Variants in UBE2H observed in about 807,000 individuals in gnomAD.
The protein encoded by UBE2H is ubiquitin-conjugating enzyme E2 H.
In UBE2H, 3 loss-of-function variants were observed where a neutral mutation model predicts 29.0. The ratio of observed to expected loss-of-function variants is 0.10; its 90% CI spans 0.05 to 0.27. The LOEUF (loss-of-function observed/expected upper bound fraction) is 0.27. Among genes scored for constraint, UBE2H ranks in the 10% least tolerant of loss-of-function variants. The pLI, the probability that UBE2H is intolerant of heterozygous loss-of-function variation, is 1.00. For synonymous variants in UBE2H, 69 were observed against 82.9 expected (o/e 0.83, Z 0.91); for missense variants, 68 against 228.2 (o/e 0.30, Z 4.52).
At chr7:129,861,551 T>C (rs1053641159) in intron 3 of UBE2H, among the ~76,000 whole-genome samples, 2 of 152,132 alleles carry the variant, frequency 1.3e-5, no homozygotes, top group African/African-American at 4.8e-5. Flanking sequence ...ATTTCTACAA[T>C]GTGTAATTTT....
intron 1 of UBE2H, among the ~76,000 whole-genome samples, chr7:129,886,767 TAAAAAAAAAAAAA>T (rs79067201): frequency 1.4e-5 from 1 of 72,066 alleles, no homozygotes. Flanking sequence ...TGTTTTTTGG[TAAAAAAAAAAAAA>T]AAAAAAAAAA....
intron 3 of UBE2H, among the ~76,000 whole-genome samples, chr7:129,876,910 T>G (rs1027753775): frequency 2.8e-4 from 42 of 152,202 alleles, no homozygotes; most frequent in Non-Finnish European, 7.3e-5. Flanking sequence ...GACAGCCCTC[T>G]AAAACTATAT....
At chr7:129,889,861 G>A (rs772662409) in intron 1 of UBE2H, among the ~76,000 whole-genome samples, 15 of 152,114 alleles carry the variant, frequency 9.9e-5, no homozygotes, top group Admixed American at 2.6e-4. Context: ...ATGGTGGTAC[G>A]TGCTTATACT....
chr7:129,854,073 T>TTTTTATTTTTTTTTTTTTTTA (rs1563023008), intron 5 of UBE2H, among the ~76,000 whole-genome samples: 1 of 150,100 alleles, frequency 6.7e-6, no homozygotes, highest in Non-Finnish European at 1.5e-5. Context: ...TTTTTTTTTT[T>TTTTTATTTTTTTTTTTTTTTA]TTTTTTTTTG....
At chr7:129,837,853 G>A (rs1380929930) in intron 6 of UBE2H, among the ~76,000 whole-genome samples, 2 of 152,172 alleles carry the variant, frequency 1.3e-5, no homozygotes, top group Non-Finnish European at 2.9e-5. Flanking sequence ...CGAAGGCTAG[G>A]GGTCCGTACG....
chr7:129,886,430 A>G (rs529698064), intron 1 of UBE2H, among the ~76,000 whole-genome samples: 34 of 152,324 alleles, frequency 2.2e-4, no homozygotes, highest in African/African-American at 8.2e-4. Context: ...TTTACAAGTG[A>G]TTTTTATACA....
chr7:129,910,668 G>A (rs2116446091), intron 1 of UBE2H, among the ~76,000 whole-genome samples: 1 of 151,564 alleles, frequency 6.6e-6, no homozygotes, highest in Admixed American at 6.6e-5. Flanking sequence ...GATTGTCTGA[G>A]GTCTGGAGTT....
intron 1 of UBE2H, among the ~76,000 whole-genome samples, chr7:129,950,097 G>T (rs1192088259): frequency 6.6e-6 from 1 of 152,094 alleles, no homozygotes; most frequent in Non-Finnish European, 1.5e-5. Context: ...ACTGATCTGT[G>T]AATTCAACAG....
intron 1 of UBE2H, among the ~76,000 whole-genome samples, chr7:129,939,688 G>A (rs1005219751): frequency 9.9e-5 from 15 of 152,140 alleles, no homozygotes; most frequent in Non-Finnish European, 2.1e-4. Context: ...GGCTGGGCAC[G>A]GTGGCTCATG....
At chr7:129,847,076 C>T (rs763033871) in intron 5 of UBE2H, among the ~76,000 whole-genome samples, 5 of 151,638 alleles carry the variant, frequency 3.3e-5, no homozygotes, top group Admixed American at 2.0e-4. Context: ...GCTGGAGTCT[C>T]GCTCTATCTC....
rs1377012385 is a variant in UBE2H at position 129,835,232 on chromosome 7, C to T, written c.428-171G>A. Among the ~76,000 whole-genome samples, 7 of 152,216 alleles carry T rather than the reference C, an allele frequency of 4.6e-5. No homozygotes were observed. The East Asian group carries it at 1.4e-3, about 29-fold the overall frequency. On this transcript the variant is annotated intron_variant, in intron 6 of 6. Coordinates refer to ENST00000355621, the MANE Select transcript of UBE2H (RefSeq NM_003344.4). ...AGCTAAGGAGAATCCCATAGGGAGA[C>T]TTCTTTGGGACAGGGTTTCTGCATT... is the stretch of plus-strand genomic sequence containing the variant.
chr7:129,896,754 T>C (rs1457469442), intron 1 of UBE2H, among the ~76,000 whole-genome samples: 8 of 152,198 alleles, frequency 5.3e-5, no homozygotes, highest in Non-Finnish European at 1.0e-4. Context: ...ACTTGACATA[T>C]AGACTGCAAT....
chr7:129,931,199 C>T (rs970777964), intron 1 of UBE2H, among the ~76,000 whole-genome samples: 9 of 150,184 alleles, frequency 6.0e-5, no homozygotes, highest in Non-Finnish European at 7.4e-5. Flanking sequence ...CCAGCCTGGG[C>T]AACAAGAGCA....
chr7:129,924,730 C>T (rs1305007667), intron 1 of UBE2H, among the ~76,000 whole-genome samples: 1 of 151,874 alleles, frequency 6.6e-6, no homozygotes, highest in African/African-American at 2.4e-5. Flanking sequence ...TCTAAACCAA[C>T]TCCTTATTTG....
chr7:129,952,344 T>C (rs1807894877), intron 1 of UBE2H, among the ~76,000 whole-genome samples, 159 bp downstream of exon 1: 1 of 151,848 alleles, frequency 6.6e-6, no homozygotes, highest in Non-Finnish European at 1.5e-5. Context: ...TCTCGGCCCC[T>C]GGGAGGTGCC....
At chr7:129,891,827 A>C (rs1428292531) in intron 1 of UBE2H, among the ~76,000 whole-genome samples, 17 of 146,182 alleles carry the variant, frequency 1.2e-4, no homozygotes, top group Middle Eastern at 3.5e-3. Context: ...AAAAAAAAAA[A>C]CACACACACA....
intron 1 of UBE2H, among the ~76,000 whole-genome samples, chr7:129,944,700 T>A (rs927977480): frequency 6.9e-6 from 1 of 145,614 alleles, no homozygotes; most frequent in African/African-American, 2.6e-5. Flanking sequence ...AACACACACG[T>A]GCGCATGCGC....
At chr7:129,895,142 T>C (rs1486032957) in intron 1 of UBE2H, among the ~76,000 whole-genome samples, 1 of 152,160 alleles carries the variant, frequency 6.6e-6, no homozygotes, top group African/African-American at 2.4e-5. Flanking sequence ...TCTTTCCTGG[T>C]TAACTGTAGG....
chr7:129,884,585 A>C (rs1318715094), intron 1 of UBE2H, among the ~76,000 whole-genome samples: 2 of 151,174 alleles, frequency 1.3e-5, no homozygotes, highest in African/African-American at 4.9e-5. Context: ...TGGTTCAACG[A>C]ATTACTATTT....
Sources: allele counts gnomAD v4.1 joint callset (sites outside exome capture counted in the v4.1 genomes callset), GRCh38; gene constraint gnomAD v4.1.1; transcripts MANE v1.5; gene names NCBI Gene and HGNC (gene_info 2026-07-23, HGNC 2026-07-21).